TNRC6C: variants seen among roughly 807,000 people sequenced by gnomAD.
TNRC6C encodes trinucleotide repeat-containing gene 6C protein.
A neutral mutation model predicts 153.7 loss-of-function variants in TNRC6C; 20 were observed. The observed-to-expected ratio is 0.13, with a 90% CI of 0.09 to 0.19. The LOEUF is 0.19. Ranked by LOEUF, TNRC6C falls within the 10% of genes least tolerant of loss-of-function variation. TNRC6C has a pLI of 1.00. For synonymous variants in TNRC6C, 811 were observed against 841.4 expected, an observed-to-expected ratio of 0.96 and a Z score of 0.63; for missense variants, 1,987 against 2,172.0, an observed-to-expected ratio of 0.91 and a Z score of 1.69.
chr17:77,981,989 C>T (rs2144108613), intron 1 of TNRC6C, among the ~76,000 whole-genome samples: 1 of 152,154 alleles, frequency 6.6e-6, no homozygotes, highest in South Asian at 2.1e-4. Flanking sequence ...GGAGGTGGGG[C>T]CTTTGGGAGG....
intron 13 of TNRC6C, among the ~76,000 whole-genome samples, chr17:78,088,031 G>A (rs1477185773): frequency 6.6e-6 from 1 of 152,226 alleles, no homozygotes; most frequent in Admixed American, 6.5e-5. Flanking sequence ...TCGGTAACTT[G>A]GAAAATACAT....
chr17:78,056,467 C>CTT (rs1158479097), intron 3 of TNRC6C, among the ~76,000 whole-genome samples: 7 of 138,994 alleles, frequency 5.0e-5, no homozygotes, highest in East Asian at 2.1e-4. Context: ...CCAGAAACTA[C>CTT]TTTTTTTTTT....
At chr17:78,004,074 G>A (rs371647477), upstream of TNRC6C, 45 of 1,228,246 alleles carry the variant, frequency 3.7e-5, 1 homozygote, top group South Asian at 6.8e-4. Flanking sequence ...TACCATATGC[G>A]AAATTCTGAC....
At chr17:78,035,112 G>C (rs150431869) in intron 2 of TNRC6C, among the ~76,000 whole-genome samples, 1 of 152,214 alleles carries the variant, frequency 6.6e-6, no homozygotes, top group African/African-American at 2.4e-5. Context: ...TGATCTCTAA[G>C]GTCCTTTCCC....
At chr17:78,097,164 T>C (rs952173089) in intron 16 of TNRC6C, among the ~76,000 whole-genome samples, 2 of 152,186 alleles carry the variant, frequency 1.3e-5, no homozygotes, top group Non-Finnish European at 2.9e-5. Flanking sequence ...CTGTGCACTG[T>C]GATCATGCCT....
At chr17:78,057,821 A>ATT (rs1025682461) in intron 3 of TNRC6C, among the ~76,000 whole-genome samples, 1 of 148,030 alleles carries the variant, frequency 6.8e-6, no homozygotes, top group African/African-American at 2.5e-5. Context: ...TCTGAATTAC[A>ATT]TTTTTGTGTG....
intron 1 of TNRC6C, among the ~76,000 whole-genome samples, chr17:77,993,729 A>C (rs543673799): frequency 6.6e-6 from 1 of 152,222 alleles, no homozygotes; most frequent in Admixed American, 6.5e-5. Context: ...GGAAATTAAA[A>C]TGTTTTTCTG....
At chr17:78,083,268 G>C (rs2073215831) in intron 11 of TNRC6C, 102 bp downstream of exon 13, 3 of 1,484,640 alleles carry the variant, frequency 2.0e-6, no homozygotes, top group Non-Finnish European at 2.7e-6. Context: ...TTCACGTCAG[G>C]GATGTCATTG....
chr17:78,048,883 T>G, exon 3 of TNRC6C: 1 of 1,245,428 alleles, frequency 8.0e-7, no homozygotes, highest in Non-Finnish European at 1.0e-6. Flanking sequence ...TTATGAAAAT[T>G]CCCACTGGGG....
exon 3 of TNRC6C, chr17:78,050,635 G>T (rs770591373): frequency 1.3e-6 from 2 of 1,570,526 alleles, no homozygotes; most frequent in African/African-American, 1.4e-5. Flanking sequence ...AGGTTGGGGA[G>T]ACAGCAACAA....
At chr17:78,009,788 C>T (rs1347778121) in intron 1 of TNRC6C, among the ~76,000 whole-genome samples, 3 of 152,266 alleles carry the variant, frequency 2.0e-5, no homozygotes, top group Middle Eastern at 3.4e-3. Flanking sequence ...CTCCTGACCT[C>T]GTGATCTGCC....
At chr17:78,045,298 A>C (rs943893693) in intron 2 of TNRC6C, among the ~76,000 whole-genome samples, 4 of 152,120 alleles carry the variant, frequency 2.6e-5, no homozygotes, top group African/African-American at 9.7e-5. Flanking sequence ...CCAATATGTA[A>C]ACTCAACAGG....
intron 3 of TNRC6C, among the ~76,000 whole-genome samples, chr17:78,055,456 C>T (rs1009652287): frequency 3.9e-5 from 6 of 152,166 alleles, no homozygotes; most frequent in African/African-American, 9.7e-5. Context: ...TTTGTTTACA[C>T]GAGCATCACC....
chr17:78,063,720 C>A (rs1192961243), intron 3 of TNRC6C, among the ~76,000 whole-genome samples: 2 of 152,152 alleles, frequency 1.3e-5, no homozygotes, highest in Non-Finnish European at 2.9e-5. Context: ...CTGCATTTTC[C>A]AGTTATGACT....
chr17:78,014,744 T>G (rs1323555000), intron 1 of TNRC6C, among the ~76,000 whole-genome samples: 2 of 151,602 alleles, frequency 1.3e-5, no homozygotes, highest in African/African-American at 2.4e-5. Context: ...ACTAAGTTAA[T>G]GTAGTTTGTA....
chr17:78,007,363 TAGC>T (rs1336732717), intron 1 of TNRC6C, among the ~76,000 whole-genome samples: 16 of 152,240 alleles, frequency 1.1e-4, no homozygotes, highest in African/African-American at 3.6e-4. Flanking sequence ...TGATGAATAT[TAGC>T]AGCATCAAGG....
chr17:78,104,787 G>A lies in TNRC6C; in HGVS notation c.5015G>A (p.Ser1672Asn), dbSNP rs751980506. The stretch of plus-strand genomic sequence containing the variant: ...GCCGACGACAGCAGGGTGATAGGCA[G>A]CCCCACGCCGCTAACCACCCTGCTG... The change falls in exon 20 of 20, where the codon AGC becomes AAC. Residue 1672 changes from serine (S) to asparagine (N), a missense_variant. Ser to Asn is a conservative substitution (Grantham distance 46). This residue lies in a region of TNRC6C where 139 missense variants were observed against 148.5 expected (regional missense o/e 0.94). Transcript: ENST00000301624. The surrounding 1 kb of genome is among the most constrained non-coding windows in gnomAD (Gnocchi z 6.2). The A allele has an allele frequency of 3.4e-6, 5 of 1,451,176 alleles. No homozygotes were observed. Among genetic ancestry groups the A allele is most frequent in the Non-Finnish European group, 4.5e-6 (5 of 1,101,428 alleles). The allele number at this position is 1,451,176 out of a possible 1,614,324, so 89.9% of individuals were successfully genotyped here.
chr17:78,028,075 T>C (rs993442866), intron 1 of TNRC6C, among the ~76,000 whole-genome samples: 1 of 152,092 alleles, frequency 6.6e-6, no homozygotes, highest in Non-Finnish European at 1.5e-5. Context: ...TTTTTTTGTA[T>C]TTTTAGTAGA....
chr17:78,048,163 T>A (rs1371079931), intron 2 of TNRC6C, among the ~76,000 whole-genome samples: 1 of 152,136 alleles, frequency 6.6e-6, no homozygotes, highest in Admixed American at 6.5e-5. Context: ...ATTTTTTTTT[T>A]TTATTATGAA....
Sources: gnomAD v4.1 joint callset for allele counts (sites outside exome capture counted in the v4.1 genomes callset) on GRCh38, gnomAD v4.1.1 for gene constraint, gnomAD v4.1.1 regional missense constraint, Gnocchi (gnomAD v3.1) non-coding constraint, MANE v1.5 for transcripts, NCBI Gene and HGNC (gene_info 2026-07-23, HGNC 2026-07-21) for gene names.